ZNF69: variants seen among roughly 807,000 people sequenced by gnomAD.
ZNF69 encodes the protein ZNF3.
In ZNF69, 47 loss-of-function variants were observed where a neutral mutation model predicts 50.9. The observed-to-expected ratio is 0.92, with a 90% CI of 0.73 to 1.18. ZNF69 has a LOEUF of 1.18. Ranked by LOEUF, ZNF69 falls within the 50% of genes most tolerant of loss-of-function variation. The probability of loss-of-function intolerance (pLI) is 0.00; values close to 1 mark genes in which losing one functional copy is unlikely to be tolerated. For synonymous variants in ZNF69, 216 were observed against 223.1 expected, an observed-to-expected ratio of 0.97 and a Z score of 0.29; for missense variants, 717 against 675.1, an observed-to-expected ratio of 1.06 and a Z score of -0.69.
chr19:11,964,995 A>C, the ZNF69 span: 203 of 495,330 alleles, frequency 4.1e-4, no homozygotes, highest in East Asian at 6.8e-4. Context: ...GTGCCGGGGC[A>C]GGGCCCTGCC....
the ZNF69 span, among the ~76,000 whole-genome samples, chr19:11,928,731 CAAAAAAAA>C: frequency 3.7e-5 from 2 of 53,438 alleles, no homozygotes; most frequent in South Asian, 1.3e-3. Context: ...GACTCCGTCT[CAAAAAAAA>C]AAAAAAAAAA....
chr19:11,977,196 A>C, the ZNF69 span: 1 of 1,554,904 alleles, frequency 6.4e-7, no homozygotes, highest in Non-Finnish European at 8.9e-7. Context: ...CCCTCAGTCC[A>C]TTAGTGAACC....
chr19:11,963,524 A>AG, the ZNF69 span, among the ~76,000 whole-genome samples: 1 of 152,100 alleles, frequency 6.6e-6, no homozygotes, highest in Non-Finnish European at 1.5e-5. Flanking sequence ...TCTTTCCATA[A>AG]GGGGGTGAGC....
Position 11,906,340 on chromosome 19 carries a change from A to G in ZNF69, c.*242A>G. The stretch of plus-strand genomic sequence containing the variant: ...TGAAGAGAGTAGCAGTCCTCCCAGC[A>G]TGGAGTTTGAGATCTAAGAATGGAC... On this transcript the variant is annotated 3_prime_UTR_variant, in exon 4 of 4. Coordinates refer to ENST00000429654, the MANE Select transcript of ZNF69 (RefSeq NM_001364730.1). The G allele has an allele frequency of 4.4e-6, 5 of 1,126,714 alleles. No individual in the cohort carries two copies. The highest frequency in any genetic ancestry group is 5.7e-6 in the Non-Finnish European group (5 of 875,946). The allele number at this position is 1,126,714 out of a possible 1,614,324, so 69.8% of individuals were successfully genotyped here.
chr19:11,963,224 A>C, the ZNF69 span, among the ~76,000 whole-genome samples: 3 of 151,970 alleles, frequency 2.0e-5, no homozygotes, highest in African/African-American at 2.4e-5. Context: ...TGACTAGCTG[A>C]GACTATAGGT....
the ZNF69 span, among the ~76,000 whole-genome samples, chr19:11,963,088 A>AGAGAGAGAGAGAGAGTGTGTGTGT: frequency 7.2e-6 from 1 of 138,312 alleles, no homozygotes; most frequent in African/African-American, 3.0e-5. Flanking sequence ...AGAGAGAGAG[A>AGAGAGAGAGAGAGAGTGTGTGTGT]GTGTGTGTGT....
intron 1 of ZNF69, among the ~76,000 whole-genome samples, chr19:11,890,038 C>T (rs1002534745): frequency 1.3e-5 from 2 of 152,194 alleles, no homozygotes; most frequent in African/African-American, 2.4e-5. Context: ...TCCCACAGGG[C>T]GGTTTTCTCC....
At chr19:11,947,104 ACTT>A in the ZNF69 span, 1 of 1,547,788 alleles carries the variant, frequency 6.5e-7, no homozygotes, top group South Asian at 1.3e-5. Context: ...CATCCTGAGA[ACTT>A]CTTGGGAATA....
At chr19:11,895,499 G>A (rs1977204274) in intron 1 of ZNF69, among the ~76,000 whole-genome samples, 1 of 152,192 alleles carries the variant, frequency 6.6e-6, no homozygotes, top group South Asian at 2.1e-4. Context: ...CTGTGATTAA[G>A]AGGTGGTCTG....
At chr19:11,954,014 TTTTAC>T in the ZNF69 span, among the ~76,000 whole-genome samples, 7 of 152,226 alleles carry the variant, frequency 4.6e-5, no homozygotes, top group African/African-American at 1.7e-4. Flanking sequence ...CGTATGCATG[TTTTAC>T]TTTTGTGCTT....
chr19:11,891,245 G>A (rs1977078686), intron 1 of ZNF69, among the ~76,000 whole-genome samples: 1 of 152,010 alleles, frequency 6.6e-6, no homozygotes, highest in Admixed American at 6.6e-5. Flanking sequence ...GGGCAACATA[G>A]GGAAACCCCA....
chr19:11,913,577 G>A (rs745589831), exon 5 of ZNF69: 34 of 351,338 alleles, frequency 9.7e-5, no homozygotes, highest in Non-Finnish European at 1.6e-4. Context: ...TTTTAGTAGA[G>A]ACAGGGTTTC....
the ZNF69 span, among the ~76,000 whole-genome samples, chr19:11,928,005 T>C: frequency 4.6e-5 from 7 of 152,170 alleles, no homozygotes; most frequent in Admixed American, 3.9e-4. Context: ...ACAACAATTT[T>C]TTTTTTTTTT....
chr19:11,920,703 C>T, the ZNF69 span, among the ~76,000 whole-genome samples: 5 of 152,168 alleles, frequency 3.3e-5, no homozygotes, highest in East Asian at 1.9e-4. Context: ...GCCTGGACAA[C>T]GTGGTGAAAC....
downstream of ZNF69, among the ~76,000 whole-genome samples, chr19:11,910,362 A>T (rs2145251444): frequency 6.6e-6 from 1 of 152,342 alleles, no homozygotes; most frequent in Middle Eastern, 3.4e-3. Context: ...CCACATTGCC[A>T]AGACAATCCT....
chr19:11,937,689 CATGT>C, the ZNF69 span, among the ~76,000 whole-genome samples: 2 of 151,840 alleles, frequency 1.3e-5, no homozygotes, highest in African/African-American at 2.4e-5. Flanking sequence ...GGGGTTTCAC[CATGT>C]TAGCCAGGAT....
At chr19:11,910,579 C>T (rs1972443450), downstream of ZNF69, among the ~76,000 whole-genome samples, 1 of 152,110 alleles carries the variant, frequency 6.6e-6, no homozygotes, top group South Asian at 2.1e-4. Context: ...GAAAGGATTC[C>T]CTATTTAATA....
chr19:11,961,470 TC>T, the ZNF69 span, among the ~76,000 whole-genome samples: 1 of 152,204 alleles, frequency 6.6e-6, no homozygotes, highest in African/African-American at 2.4e-5. Context: ...CCATATACTG[TC>T]ATACAAGTGC....
chr19:11,945,987 G>C, the ZNF69 span, among the ~76,000 whole-genome samples: 1 of 152,222 alleles, frequency 6.6e-6, no homozygotes, highest in East Asian at 1.9e-4. Flanking sequence ...GGGTGACCGG[G>C]GTGGTTACTA....
Sources: gnomAD v4.1 joint callset for allele counts (sites outside exome capture counted in the v4.1 genomes callset) on GRCh38, gnomAD v4.1.1 for gene constraint, MANE v1.5 for transcripts, NCBI Gene and HGNC (gene_info 2026-07-23, HGNC 2026-07-21) for gene names.